Variants in BTBD9 observed in about 807,000 individuals in gnomAD.
The protein encoded by BTBD9 is BTB domain containing 9, also known as BTB/POZ domain-containing protein 9.
Under a neutral mutation model 64.3 loss-of-function variants are expected in BTBD9, and 49 were observed. The observed-to-expected ratio is 0.76, with a 90% CI of 0.61 to 0.97. The LOEUF is 0.97. Among genes scored for constraint, BTBD9 ranks in the 50% least tolerant of loss-of-function variants. BTBD9 has a pLI of 0.00. For missense variants in BTBD9, 598 were observed against 762.1 expected (o/e 0.78, Z 2.53); for synonymous variants, 260 against 274.7 (o/e 0.95, Z 0.53).
intron 6 of BTBD9, among the ~76,000 whole-genome samples, chr6:38,541,033 A>G (rs556480813): frequency 5.3e-5 from 8 of 152,338 alleles, no homozygotes; most frequent in African/African-American, 1.7e-4. Context: ...CATCAAGTCA[A>G]GAAAACACAG....
intron 6 of BTBD9, among the ~76,000 whole-genome samples, chr6:38,556,536 TGTGTGTGTGTGTGTGAGAGAGA>T (rs1158459049): frequency 7.5e-5 from 4 of 53,128 alleles, no homozygotes; most frequent in Admixed American, 7.5e-4. Flanking sequence ...TGTGTGTGTG[TGTGTGTGTGTGTGTGAGAGAGA>T]GAGAGAGAGA....
intron 6 of BTBD9, among the ~76,000 whole-genome samples, chr6:38,577,039 G>A (rs1776070342): frequency 6.6e-6 from 1 of 152,244 alleles, no homozygotes; most frequent in Middle Eastern, 3.4e-3. Flanking sequence ...TCTGAGCCTA[G>A]AGCCCCACTA....
At chr6:38,537,356 TCA>T (rs1223786315) in intron 6 of BTBD9, among the ~76,000 whole-genome samples, 1 of 152,236 alleles carries the variant, frequency 6.6e-6, no homozygotes, top group East Asian at 1.9e-4. Context: ...AGAATTTATC[TCA>T]GTTTGAATTT....
chr6:38,543,858 G>A (rs1774405197), intron 6 of BTBD9, among the ~76,000 whole-genome samples: 1 of 151,822 alleles, frequency 6.6e-6, no homozygotes, highest in South Asian at 2.1e-4. Flanking sequence ...TTGGGAGGCT[G>A]AGGCAGGAGA....
intron 9 of BTBD9, among the ~76,000 whole-genome samples, chr6:38,252,685 T>C (rs1764444135): frequency 6.6e-6 from 1 of 152,262 alleles, no homozygotes; most frequent in Non-Finnish European, 1.5e-5. Context: ...GGTAATTTAA[T>C]GCAAAGCTAC....
At chr6:38,412,333 A>C (rs1767463797) in intron 6 of BTBD9, among the ~76,000 whole-genome samples, 1 of 152,116 alleles carries the variant, frequency 6.6e-6, no homozygotes, top group Non-Finnish European at 1.5e-5. Context: ...AAGCATCCCC[A>C]AAACACACGA....
At chr6:38,398,663 C>A (rs1371280380) in intron 6 of BTBD9, among the ~76,000 whole-genome samples, 1 of 152,094 alleles carries the variant, frequency 6.6e-6, no homozygotes, top group Admixed American at 6.6e-5. Context: ...AAGAAGGAAA[C>A]CCCCAAAGAA....
intron 6 of BTBD9, among the ~76,000 whole-genome samples, chr6:38,364,461 T>C (rs1436121619): frequency 6.6e-6 from 1 of 152,224 alleles, no homozygotes; most frequent in Non-Finnish European, 1.5e-5. Flanking sequence ...TCTATGCAAA[T>C]GCTTTCAGAC....
chr6:38,222,571 A>G (rs2127509343), intron 9 of BTBD9, among the ~76,000 whole-genome samples: 1 of 152,102 alleles, frequency 6.6e-6, no homozygotes, highest in East Asian at 1.9e-4. Context: ...GATTTTAATA[A>G]TAGACAACAT....
At chr6:38,527,135 G>C (rs1211636345) in intron 6 of BTBD9, among the ~76,000 whole-genome samples, 1 of 151,800 alleles carries the variant, frequency 6.6e-6, no homozygotes, top group Non-Finnish European at 1.5e-5. Flanking sequence ...AATTAGCTGG[G>C]CATGGTGGCA....
intron 9 of BTBD9, among the ~76,000 whole-genome samples, chr6:38,239,432 C>A (rs1306668293): frequency 3.3e-5 from 4 of 122,234 alleles, no homozygotes; most frequent in African/African-American, 1.3e-4. Flanking sequence ...GAGCAAGACT[C>A]TGTCTCAAAA....
intron 6 of BTBD9, among the ~76,000 whole-genome samples, chr6:38,456,689 T>TA (rs1277209003): frequency 6.6e-6 from 1 of 152,140 alleles, no homozygotes; most frequent in Non-Finnish European, 1.5e-5. Flanking sequence ...CCTCTTTTCT[T>TA]AAAAAAAGTT....
chr6:38,538,783 CT>C (rs55908292), intron 6 of BTBD9, among the ~76,000 whole-genome samples: 68,513 of 146,902 alleles, frequency 0.47, 15,748 homozygotes, highest in East Asian at 0.54. Flanking sequence ...TTTTCTTTTT[CT>C]TTTTTTTTTT....
At chr6:38,574,896 C>A (rs1449592920) in intron 6 of BTBD9, among the ~76,000 whole-genome samples, 3 of 152,182 alleles carry the variant, frequency 2.0e-5, no homozygotes, top group Non-Finnish European at 4.4e-5. Context: ...CTCTACCTAA[C>A]TCCACAGCCC....
At chr6:38,447,524 C>T (rs1288677431) in intron 6 of BTBD9, among the ~76,000 whole-genome samples, 1 of 152,148 alleles carries the variant, frequency 6.6e-6, no homozygotes, top group Non-Finnish European at 1.5e-5. Context: ...AACAAGAGCT[C>T]TAACAGTCAT....
chr6:38,352,762 G>A (rs1362974525), intron 6 of BTBD9, among the ~76,000 whole-genome samples: 8 of 152,136 alleles, frequency 5.3e-5, no homozygotes, highest in African/African-American at 1.9e-4. Flanking sequence ...TTGCTTCAAA[G>A]ACCAAAATAA....
At chr6:38,591,684 T>A (rs986839636) in intron 4 of BTBD9, among the ~76,000 whole-genome samples, 2 of 152,000 alleles carry the variant, frequency 1.3e-5, no homozygotes, top group Non-Finnish European at 2.9e-5. Context: ...TAAAATGGAG[T>A]CAATAACAGT....
At chr6:38,319,506 T>C (rs953177147) in intron 7 of BTBD9, among the ~76,000 whole-genome samples, 1 of 151,898 alleles carries the variant, frequency 6.6e-6, no homozygotes, top group Non-Finnish European at 1.5e-5. Flanking sequence ...CAGCACGTGA[T>C]GAATCCTGCC....
intron 7 of BTBD9, among the ~76,000 whole-genome samples, chr6:38,301,104 T>C (rs1582191712): frequency 6.6e-6 from 1 of 152,256 alleles, no homozygotes; most frequent in Non-Finnish European, 1.5e-5. Context: ...CTTTTCTGCA[T>C]CTACTGACAT....
Sources: gnomAD v4.1 joint callset for allele counts (sites outside exome capture counted in the v4.1 genomes callset) on GRCh38, gnomAD v4.1.1 for gene constraint, MANE v1.5 for transcripts, NCBI Gene and HGNC (gene_info 2026-07-23, HGNC 2026-07-21) for gene names.